KCNQ3: variants seen among roughly 807,000 people sequenced by gnomAD.
KCNQ3 encodes potassium voltage-gated channel subfamily KQT member 3.
In KCNQ3, 30 loss-of-function variants were observed where a neutral mutation model predicts 92.5. That is an observed-to-expected ratio of 0.32 (90% confidence interval 0.24 to 0.44). The LOEUF is 0.44. Ranked by LOEUF, KCNQ3 falls within the 20% of genes least tolerant of loss-of-function variation. The pLI is 1.00. For missense variants in KCNQ3, 913 were observed against 1,140.3 expected (o/e 0.80, Z 2.87); for synonymous variants, 450 against 468.8 (o/e 0.96, Z 0.52).
chr8:132,243,346 T>A (rs539208283), intron 1 of KCNQ3, among the ~76,000 whole-genome samples: 1 of 151,924 alleles, frequency 6.6e-6, no homozygotes, highest in African/African-American at 2.4e-5. Flanking sequence ...GGAAAGAAAA[T>A]GTGAGGTGGA....
chr8:132,474,145 A>G (rs1044360866), intron 1 of KCNQ3, among the ~76,000 whole-genome samples: 3 of 152,226 alleles, frequency 2.0e-5, no homozygotes, highest in African/African-American at 4.8e-5. Context: ...AAGAAAGGGG[A>G]ATCCCTGGAC....
intron 1 of KCNQ3, among the ~76,000 whole-genome samples, chr8:132,455,798 G>A (rs1821925565): frequency 6.6e-6 from 1 of 152,144 alleles, no homozygotes; most frequent in South Asian, 2.1e-4. Context: ...CTGGAGTATA[G>A]TGGCGTGATC....
At chr8:132,332,302 T>C (rs1818254127) in intron 1 of KCNQ3, among the ~76,000 whole-genome samples, 1 of 152,028 alleles carries the variant, frequency 6.6e-6, no homozygotes. Context: ...CAGCAATAGC[T>C]CCGGAGAAAC....
At chr8:132,445,130 G>A (rs1454360954) in intron 1 of KCNQ3, among the ~76,000 whole-genome samples, 1 of 152,182 alleles carries the variant, frequency 6.6e-6, no homozygotes. Flanking sequence ...AAAGGCAAAA[G>A]GACCAACTGG....
chr8:132,210,921 G>A (rs528008512), intron 1 of KCNQ3, among the ~76,000 whole-genome samples: 31 of 152,282 alleles, frequency 2.0e-4, no homozygotes, highest in African/African-American at 7.2e-4. Flanking sequence ...TATTAAAATG[G>A]GTTGGCACAT....
At chr8:132,428,254 T>A (rs1821160632) in intron 1 of KCNQ3, among the ~76,000 whole-genome samples, 1 of 152,230 alleles carries the variant, frequency 6.6e-6, no homozygotes, top group Non-Finnish European at 1.5e-5. Flanking sequence ...ATCTTCTTTT[T>A]CTCTAGACAG....
At chr8:132,367,362 G>T (rs1040404337) in intron 1 of KCNQ3, among the ~76,000 whole-genome samples, 2 of 152,092 alleles carry the variant, frequency 1.3e-5, no homozygotes, top group Non-Finnish European at 2.9e-5. Context: ...GCTAGGCCAT[G>T]GTATCTCACT....
At chr8:132,363,394 T>A (rs573826241) in intron 1 of KCNQ3, among the ~76,000 whole-genome samples, 1 of 152,076 alleles carries the variant, frequency 6.6e-6, no homozygotes, top group Non-Finnish European at 1.5e-5. Flanking sequence ...ATTCCATAAT[T>A]TATTAAGGTC....
intron 1 of KCNQ3, among the ~76,000 whole-genome samples, chr8:132,347,805 G>A (rs577737202): frequency 9.2e-5 from 14 of 151,470 alleles, no homozygotes; most frequent in East Asian, 3.9e-4. Context: ...GTGAAACCCC[G>A]TCTCTACTAA....
chr8:132,477,511 T>C (rs1822442259), intron 1 of KCNQ3, among the ~76,000 whole-genome samples: 1 of 152,216 alleles, frequency 6.6e-6, no homozygotes, highest in South Asian at 2.1e-4. Flanking sequence ...TTCAATTATG[T>C]TCACTTGACT....
intron 1 of KCNQ3, among the ~76,000 whole-genome samples, chr8:132,462,602 T>C (rs1332186645): frequency 6.6e-6 from 1 of 152,198 alleles, no homozygotes; most frequent in Non-Finnish European, 1.5e-5. Context: ...AATATGAACT[T>C]TTGACCGCAT....
At chr8:132,414,355 G>A (rs1042364807) in intron 1 of KCNQ3, among the ~76,000 whole-genome samples, 2 of 152,160 alleles carry the variant, frequency 1.3e-5, no homozygotes, top group African/African-American at 4.8e-5. Context: ...GCTGAGAGAT[G>A]CCTGGCCTCC....
rs1563775830 is a variant in KCNQ3, at chr8:132,154,192, A to ATTTTTTTTTT, written c.1262+9275_1262+9276insAAAAAAAAAA. Among the ~76,000 whole-genome samples, 8 of 104,472 alleles carry ATTTTTTTTTT rather than the reference A, an allele frequency of 7.7e-5. 2 individuals are homozygous for ATTTTTTTTTT. The highest frequency in any genetic ancestry group is 1.3e-4 in the African/African-American group (4 of 30,284). 68.5% of individuals were successfully genotyped at this position (104,472 alleles called of 152,430 possible). On this transcript the variant is annotated intron_variant, in intron 9 of 14. Transcript: ENST00000388996. Reference sequence around the variant, plus strand: ...CCTGATGTACCATCAAAAGGGTAAAAGTTTTTTTTTTTTTTTTTTTTTTTT... The same window carrying ATTTTTTTTTT: ...CCTGATGTACCATCAAAAGGGTAAAATTTTTTTTTTGTTTTTTTTTTTTTTTTTTTTTTTT...
chr8:132,280,074 C>A (rs1816466125), intron 1 of KCNQ3, among the ~76,000 whole-genome samples: 1 of 152,160 alleles, frequency 6.6e-6, no homozygotes, highest in Admixed American at 6.5e-5. Flanking sequence ...CAAGAAAAAT[C>A]AAGTCTTTGG....
intron 1 of KCNQ3, among the ~76,000 whole-genome samples, chr8:132,252,670 T>C (rs1815452674): frequency 6.6e-6 from 1 of 152,200 alleles, no homozygotes; most frequent in Admixed American, 6.5e-5. Context: ...GAGTGCTGAT[T>C]GGCCCATTTA....
chr8:132,414,592 T>C (rs1820744211), intron 1 of KCNQ3, among the ~76,000 whole-genome samples: 1 of 152,090 alleles, frequency 6.6e-6, no homozygotes, highest in Admixed American at 6.5e-5. Flanking sequence ...TGCTGGGAGC[T>C]GGGGAGGAAG....
chr8:132,323,084 A>AC (rs938387041), intron 1 of KCNQ3, among the ~76,000 whole-genome samples: 3 of 151,968 alleles, frequency 2.0e-5, no homozygotes, highest in Non-Finnish European at 4.4e-5. Context: ...AGCTTCCTCC[A>AC]CCCCAAGGAA....
chr8:132,312,116 CAGA>C (rs927897827), intron 1 of KCNQ3, among the ~76,000 whole-genome samples: 3 of 152,190 alleles, frequency 2.0e-5, no homozygotes, highest in African/African-American at 7.2e-5. Flanking sequence ...CAAGAGCCTT[CAGA>C]AGGAGCGTGG....
chr8:132,349,612 C>T (rs1818799134), intron 1 of KCNQ3, among the ~76,000 whole-genome samples: 1 of 152,220 alleles, frequency 6.6e-6, no homozygotes, highest in Non-Finnish European at 1.5e-5. Flanking sequence ...CCCTCTTACA[C>T]CTCCACCAAG....
Sources: allele counts gnomAD v4.1 joint callset (sites outside exome capture counted in the v4.1 genomes callset), GRCh38; gene constraint gnomAD v4.1.1; transcripts MANE v1.5; gene names NCBI Gene and HGNC (gene_info 2026-07-23, HGNC 2026-07-21).